DIP2C: variants seen among roughly 807,000 people sequenced by gnomAD.
DIP2C encodes DIP2 acetate--CoA ligase C (putative), also known as disco-interacting protein 2 homolog C.
DIP2C carries 33 observed loss-of-function variants against 192.4 expected under a neutral mutation model. The ratio of observed to expected loss-of-function variants is 0.17; its 90% CI spans 0.13 to 0.23. DIP2C has a LOEUF of 0.23. Among genes scored for constraint, DIP2C ranks in the 10% least tolerant of loss-of-function variants. DIP2C has a pLI of 1.00. For synonymous variants in DIP2C, 979 were observed against 864.1 expected (o/e 1.13, Z -2.33); for missense variants, 1,537 against 2,110.1 (o/e 0.73, Z 5.32).
Position 597,130 on chromosome 10 carries a change from C to T in DIP2C, c.85+92364G>A, listed in dbSNP as rs557158347. Among the ~76,000 whole-genome samples, 199 of 152,276 alleles carry T rather than the reference C, an allele frequency of 1.3e-3. 1 individual carries two copies. The highest frequency in any genetic ancestry group is 2.4e-3 in the Non-Finnish European group (166 of 68,012). On this transcript the variant is annotated intron_variant, in intron 1 of 36. Coordinates refer to ENST00000280886, the MANE Select transcript of DIP2C (RefSeq NM_014974.3). ...CCAGGGCTCGAGTAAAACAGCAAGG[C>T]GGGGAAGGCTGGGCTCGCTCCACCT...
chr10:638,853 T>C (rs1854980879), intron 1 of DIP2C, among the ~76,000 whole-genome samples: 5 of 152,246 alleles, frequency 3.3e-5, no homozygotes, highest in Admixed American at 3.3e-4. Context: ...GAAGGCATCA[T>C]CCTTTCCAGG....
At chr10:310,331 A>C (rs1162037266) in intron 31 of DIP2C, among the ~76,000 whole-genome samples, 1 of 152,234 alleles carries the variant, frequency 6.6e-6, no homozygotes, top group Admixed American at 6.5e-5. Context: ...CCAATATATA[A>C]AAATAGGAAA....
At chr10:437,780 T>C (rs1967388686) in intron 4 of DIP2C, 2 of 152,240 alleles carry the variant, frequency 1.3e-5, no homozygotes, top group Admixed American at 1.3e-4. Context: ...ACAATGCTAA[T>C]GAGAGTTTCT....
intron 31 of DIP2C, chr10:311,662 A>T: frequency 9.6e-7 from 1 of 1,040,908 alleles, no homozygotes; most frequent in African/African-American, 1.7e-5. Flanking sequence ...ACGACCCGAC[A>T]GTGAAAAATG....
At chr10:449,883 G>A (rs1161693751) in intron 3 of DIP2C, among the ~76,000 whole-genome samples, 1 of 146,266 alleles carries the variant, frequency 6.8e-6, no homozygotes, top group Non-Finnish European at 1.5e-5. Flanking sequence ...CACAACTACA[G>A]TCATGTGCCA....
At chr10:365,722 G>A (rs759004284) in intron 19 of DIP2C, among the ~76,000 whole-genome samples, 53 of 152,166 alleles carry the variant, frequency 3.5e-4, no homozygotes, top group African/African-American at 1.0e-3. Context: ...CTGTGCACAC[G>A]CCCCATGCAC....
At chr10:545,166 C>CTTTTTTTTTTTTTTTTTTT (rs60185327) in intron 1 of DIP2C, among the ~76,000 whole-genome samples, 1 of 86,336 alleles carries the variant, frequency 1.2e-5, no homozygotes, top group Non-Finnish European at 2.1e-5. Flanking sequence ...GGTGTTTTCC[C>CTTTTTTTTTTTTTTTTTTT]TTTTTTTTTT....
intron 1 of DIP2C, among the ~76,000 whole-genome samples, chr10:605,892 C>T (rs961582760): frequency 6.6e-6 from 1 of 152,208 alleles, no homozygotes; most frequent in African/African-American, 2.4e-5. Flanking sequence ...AGAGCAGAAA[C>T]GGAGCCCACT....
chr10:625,644 AC>A (rs1245573566), intron 1 of DIP2C, among the ~76,000 whole-genome samples: 2 of 152,166 alleles, frequency 1.3e-5, no homozygotes, highest in Non-Finnish European at 2.9e-5. Flanking sequence ...TAAGCCATGC[AC>A]GGCCTCACGC....
At chr10:597,022 G>C (rs1003741768) in intron 1 of DIP2C, among the ~76,000 whole-genome samples, 3 of 152,232 alleles carry the variant, frequency 2.0e-5, no homozygotes, top group Non-Finnish European at 4.4e-5. Context: ...TGTGAGATGT[G>C]TGTTTGCCTC....
chr10:658,646 C>T (rs1277587567), intron 1 of DIP2C, among the ~76,000 whole-genome samples: 1 of 152,218 alleles, frequency 6.6e-6, no homozygotes, highest in Non-Finnish European at 1.5e-5. Flanking sequence ...CACTGACCCA[C>T]TGTAATTCTG....
chr10:419,294 T>C, intron 5 of DIP2C, 95 bp from the exon 6 acceptor site: 1 of 1,563,980 alleles, frequency 6.4e-7, no homozygotes, highest in African/African-American at 1.3e-5. Context: ...GAAGCACAGG[T>C]GCTCACCCTG....
chr10:510,895 C>T (rs1354473207), intron 1 of DIP2C, among the ~76,000 whole-genome samples: 3 of 152,182 alleles, frequency 2.0e-5, no homozygotes, highest in Non-Finnish European at 4.4e-5. Context: ...TGTGGGACAG[C>T]CAGGACATCA....
intron 32 of DIP2C, among the ~76,000 whole-genome samples, chr10:298,806 CCT>C (rs1955881035): frequency 6.6e-6 from 1 of 152,204 alleles, no homozygotes. Context: ...CTGGGCTGCA[CCT>C]CCACCCAACC....
At chr10:668,669 T>C (rs952361196) in intron 1 of DIP2C, 5 of 152,248 alleles carry the variant, frequency 3.3e-5, no homozygotes, top group Non-Finnish European at 7.3e-5. Context: ...AACACATTCA[T>C]ACAACACATA....
At chr10:567,663 A>C (rs1388815834) in intron 1 of DIP2C, among the ~76,000 whole-genome samples, 3 of 152,204 alleles carry the variant, frequency 2.0e-5, no homozygotes. Flanking sequence ...TTTTTCTGTG[A>C]CAGTCTCGCT....
chr10:479,915 G>A (rs577971479), intron 2 of DIP2C, among the ~76,000 whole-genome samples: 9 of 149,744 alleles, frequency 6.0e-5, no homozygotes, highest in African/African-American at 1.7e-4. Flanking sequence ...CCTGAGCTCC[G>A]GTCCATGCTC....
chr10:550,006 CTTTTTTTTT>C (rs11461177), intron 1 of DIP2C, among the ~76,000 whole-genome samples: 1 of 134,774 alleles, frequency 7.4e-6, no homozygotes, highest in Non-Finnish European at 1.6e-5. Flanking sequence ...GGACGTGTAG[CTTTTTTTTT>C]TTTTTTTTTC....
intron 1 of DIP2C, among the ~76,000 whole-genome samples, chr10:531,926 T>G (rs1206787392): frequency 6.6e-6 from 1 of 152,206 alleles, no homozygotes; most frequent in Non-Finnish European, 1.5e-5. Flanking sequence ...TAAAATAAGT[T>G]TTAACTAGTT....
Sources: gnomAD v4.1 joint callset for allele counts (sites outside exome capture counted in the v4.1 genomes callset) on GRCh38, gnomAD v4.1.1 for gene constraint, MANE v1.5 for transcripts, NCBI Gene and HGNC (gene_info 2026-07-23, HGNC 2026-07-21) for gene names.